NREP: variants seen among roughly 807,000 people sequenced by gnomAD.
The protein encoded by NREP is neuronal regeneration-related protein.
A neutral mutation model predicts 8.6 loss-of-function variants in NREP; 5 were observed. The ratio of observed to expected loss-of-function variants is 0.58; its 90% CI spans 0.30 to 1.22. The LOEUF is 1.22. Among genes scored for constraint, NREP ranks in the 50% most tolerant of loss-of-function variants. The probability of loss-of-function intolerance (pLI) is 0.07; values close to 1 mark genes in which losing one functional copy is unlikely to be tolerated. For missense variants in NREP, 86 were observed against 82.5 expected (o/e 1.04, Z -0.17); for synonymous variants, 27 against 28.0 (o/e 0.96, Z 0.11).
chr5:111,951,303 A>G lies in NREP; in HGVS notation c.135+23971T>C, dbSNP rs147019068. On this transcript the variant is annotated intron_variant, in intron 2 of 3. Coordinates refer to the NREP transcript ENST00000395634. ...GACACCTAGGTTTCTACTTTTTTCT[A>G]TTACCAGCAATGTTGTTATGAACAT... 7.4e-4 allele frequency among the ~76,000 whole-genome samples: 112 copies of G among 152,056 alleles called. 1 individual carries two copies. The highest frequency in any genetic ancestry group is 2.6e-3 in the African/African-American group (109 of 41,496).
chr5:111,740,338 T>G (rs1749541047), intron 2 of NREP, among the ~76,000 whole-genome samples: 1 of 152,154 alleles, frequency 6.6e-6, no homozygotes, highest in African/African-American at 2.4e-5. Context: ...TAAATATTAC[T>G]TATAGTGAAA....
At chr5:111,876,819 A>G (rs1753921324) in intron 2 of NREP, among the ~76,000 whole-genome samples, 1 of 152,168 alleles carries the variant, frequency 6.6e-6, no homozygotes, top group Non-Finnish European at 1.5e-5. Flanking sequence ...CTTAATCTTC[A>G]TAAGAATCCT....
intron 2 of NREP, among the ~76,000 whole-genome samples, chr5:111,909,634 AC>A (rs1754861677): frequency 6.6e-6 from 1 of 152,066 alleles, no homozygotes; most frequent in African/African-American, 2.4e-5. Flanking sequence ...GAGAACAGAT[AC>A]TTGAACTTGG....
intron 2 of NREP, among the ~76,000 whole-genome samples, chr5:111,808,870 TTTCTAGCATGTGGTACATGCTG>T (rs1256407898): frequency 6.6e-6 from 1 of 152,198 alleles, no homozygotes; most frequent in African/African-American, 2.4e-5. Flanking sequence ...AACCTTTGTA[TTTCTAGCATGTGGTACATGCTG>T]GTATGTAGTA....
At chr5:111,843,674 C>A (rs1753087674) in intron 2 of NREP, among the ~76,000 whole-genome samples, 3 of 152,096 alleles carry the variant, frequency 2.0e-5, no homozygotes, top group African/African-American at 4.8e-5. Flanking sequence ...GAGGTAGGCA[C>A]CTCCTCCAGT....
At chr5:111,800,206 G>A (rs1409191537) in intron 2 of NREP, among the ~76,000 whole-genome samples, 1 of 152,116 alleles carries the variant, frequency 6.6e-6, no homozygotes, top group Non-Finnish European at 1.5e-5. Flanking sequence ...GGGATTACAG[G>A]CGCGGGCCAC....
intron 2 of NREP, among the ~76,000 whole-genome samples, chr5:111,770,455 G>C (rs927492550): frequency 2.0e-5 from 3 of 150,522 alleles, no homozygotes; most frequent in Non-Finnish European, 4.4e-5. Flanking sequence ...ACCATACCTA[G>C]CTCAAGCTTG....
chr5:111,974,853 G>T (rs892082650), intron 2 of NREP, among the ~76,000 whole-genome samples: 1 of 152,228 alleles, frequency 6.6e-6, no homozygotes, highest in Admixed American at 6.5e-5. Flanking sequence ...TTAAGGCACT[G>T]CAGAGACAGA....
intron 2 of NREP, among the ~76,000 whole-genome samples, chr5:111,880,251 C>T (rs1754017908): frequency 6.6e-6 from 1 of 152,074 alleles, no homozygotes; most frequent in Non-Finnish European, 1.5e-5. Flanking sequence ...TAATACCTGG[C>T]ACAAAACTCC....
chr5:111,846,248 C>A, intron 2 of NREP: 1 of 181,982 alleles, frequency 5.5e-6, no homozygotes, highest in Non-Finnish European at 1.1e-5. Context: ...AGAAGGGAGA[C>A]AAGAATCACT....
intron 2 of NREP, among the ~76,000 whole-genome samples, chr5:111,909,493 G>C (rs901421105): frequency 3.3e-5 from 5 of 151,980 alleles, no homozygotes; most frequent in Non-Finnish European, 5.9e-5. Context: ...AATGCAATCA[G>C]CTTCTATATC....
At chr5:111,845,930 G>A (rs1007934581) in intron 2 of NREP, 1 of 151,572 alleles carries the variant, frequency 6.6e-6, no homozygotes, top group East Asian at 1.9e-4. Flanking sequence ...CATGTTAAGT[G>A]CACAACTATG....
intron 2 of NREP, among the ~76,000 whole-genome samples, chr5:111,896,941 A>G (rs1273277356): frequency 6.6e-6 from 1 of 152,166 alleles, no homozygotes; most frequent in Non-Finnish European, 1.5e-5. Flanking sequence ...TAAATACCAT[A>G]TATTCTCTCA....
chr5:111,782,102 G>A (rs915667111), intron 2 of NREP, among the ~76,000 whole-genome samples: 3 of 152,172 alleles, frequency 2.0e-5, no homozygotes, highest in Admixed American at 6.5e-5. Flanking sequence ...AATATGCTTA[G>A]CATAGCACCT....
intron 2 of NREP, among the ~76,000 whole-genome samples, chr5:111,795,855 T>C (rs1751861890): frequency 6.6e-6 from 1 of 152,212 alleles, no homozygotes; most frequent in South Asian, 2.1e-4. Context: ...CAAGCATAGC[T>C]GAGCAACCAT....
At chr5:111,883,893 C>A (rs996118279) in intron 2 of NREP, among the ~76,000 whole-genome samples, 1 of 152,110 alleles carries the variant, frequency 6.6e-6, no homozygotes. Context: ...AATTCACACC[C>A]TGACATCACA....
rs138607478 is a variant in NREP at position 111,889,883 on chromosome 5, G to T, written c.135+85391C>A. On this transcript the variant is annotated intron_variant, in intron 2 of 3. Coordinates refer to the NREP transcript ENST00000395634. ...GGGGGTTATTCTCTTGCGGGCAGGG[G>T]TGGGGGTTACAAGGTGCTCAGTGGG... Among the ~76,000 whole-genome samples, 543 of 152,176 alleles carry T rather than the reference G, an allele frequency of 3.6e-3. 3 individuals carry two copies. Among genetic ancestry groups the T allele is most frequent in the African/African-American group, 0.012 (511 of 41,506 alleles).
chr5:111,794,131 C>T (rs1011724603), intron 2 of NREP, among the ~76,000 whole-genome samples: 4 of 152,180 alleles, frequency 2.6e-5, no homozygotes, highest in African/African-American at 9.7e-5. Context: ...TACAACTAAA[C>T]ATCTGTTACA....
intron 2 of NREP, among the ~76,000 whole-genome samples, chr5:111,788,868 C>G (rs1751674849): frequency 6.6e-6 from 1 of 152,212 alleles, no homozygotes; most frequent in African/African-American, 2.4e-5. Context: ...GGGTGGGCCT[C>G]ATCCCATCAG....
Sources: gnomAD v4.1 joint callset for allele counts (sites outside exome capture counted in the v4.1 genomes callset) on GRCh38, gnomAD v4.1.1 for gene constraint, MANE v1.5 for transcripts, NCBI Gene and HGNC (gene_info 2026-07-23, HGNC 2026-07-21) for gene names.